Variants in PXDNL observed in about 807,000 individuals in gnomAD.
PXDNL encodes the protein peroxidasin like.
A neutral mutation model predicts 150.8 loss-of-function variants in PXDNL; 145 were observed. The observed-to-expected ratio is 0.96, with a 90% CI of 0.84 to 1.10. The LOEUF is 1.10. Ranked by LOEUF, PXDNL falls within the 50% of genes least tolerant of loss-of-function variation. The pLI is 0.00. For missense variants in PXDNL, 2,087 were observed against 1,873.9 expected (o/e 1.11, Z -2.10); for synonymous variants, 757 against 725.7 (o/e 1.04, Z -0.69).
chr8:51,637,186 ATC>A (rs908810583), intron 2 of PXDNL, among the ~76,000 whole-genome samples: 4 of 152,156 alleles, frequency 2.6e-5, no homozygotes, highest in African/African-American at 9.7e-5. Flanking sequence ...CCAAAACCCC[ATC>A]TGTATGTTAC....
intron 2 of PXDNL, among the ~76,000 whole-genome samples, chr8:51,645,002 C>G (rs1814887148): frequency 6.6e-6 from 1 of 151,420 alleles, no homozygotes; most frequent in Non-Finnish European, 1.5e-5. Context: ...GGAATTGCCT[C>G]ACATGGTTGT....
chr8:51,774,705 C>A (rs889941436), intron 1 of PXDNL, among the ~76,000 whole-genome samples: 2 of 152,138 alleles, frequency 1.3e-5, no homozygotes, highest in Non-Finnish European at 2.9e-5. Flanking sequence ...GTAGTCCCAG[C>A]AACTTGGGAG....
intron 2 of PXDNL, among the ~76,000 whole-genome samples, chr8:51,616,986 T>C (rs548662314): frequency 6.6e-6 from 1 of 152,322 alleles, no homozygotes; most frequent in East Asian, 1.9e-4. Flanking sequence ...TTTCTATCTG[T>C]GGTTGGTTGA....
At chr8:51,788,640 C>T (rs903411608) in intron 1 of PXDNL, among the ~76,000 whole-genome samples, 2 of 152,168 alleles carry the variant, frequency 1.3e-5, no homozygotes, top group Non-Finnish European at 1.5e-5. Context: ...GTCAAAAATC[C>T]TGCCCCATAG....
At chr8:51,454,600 T>G (rs974058170) in intron 9 of PXDNL, among the ~76,000 whole-genome samples, 2 of 152,190 alleles carry the variant, frequency 1.3e-5, no homozygotes, top group African/African-American at 4.8e-5. Flanking sequence ...AAATTAAATA[T>G]TTGCTAAGGT....
chr8:51,560,300 G>T (rs959000259), intron 3 of PXDNL, among the ~76,000 whole-genome samples: 1 of 151,592 alleles, frequency 6.6e-6, no homozygotes, highest in African/African-American at 2.4e-5. Flanking sequence ...TTTTTTTGCA[G>T]AAATAGGGAA....
At position 51,574,228 on chromosome 8, in the gene PXDNL, C is replaced by G. The variant is rs1563469629; in HGVS notation, c.309-17317G>C. On this transcript the variant is annotated intron_variant, in intron 3 of 22. Coordinates refer to ENST00000356297, the MANE Select transcript of PXDNL (RefSeq NM_144651.5). ...AACAAATAGGAAATATAAAAAACAC[C>G]CAAACAGAAACTTTAGAACTGAAAA... Among the ~76,000 whole-genome samples the G allele has an allele frequency of 2.6e-5, 4 of 151,230 alleles. No individual in the cohort carries two copies. In the South Asian group the frequency reaches 8.4e-4, roughly 32 times the overall value.
intron 17 of PXDNL, among the ~76,000 whole-genome samples, chr8:51,382,038 A>G (rs1807565381): frequency 2.0e-5 from 3 of 152,082 alleles, no homozygotes; most frequent in African/African-American, 4.8e-5. Flanking sequence ...GGGTTTCACC[A>G]TGTTAACCCA....
At chr8:51,609,593 T>C (rs1231005556) in intron 2 of PXDNL, among the ~76,000 whole-genome samples, 1 of 152,022 alleles carries the variant, frequency 6.6e-6, no homozygotes, top group Non-Finnish European at 1.5e-5. Flanking sequence ...ATAGAGTTGG[T>C]AGGAAATAGG....
intron 1 of PXDNL, among the ~76,000 whole-genome samples, chr8:51,791,183 G>A (rs2037509983): frequency 6.6e-6 from 1 of 152,154 alleles, no homozygotes; most frequent in Admixed American, 6.5e-5. Flanking sequence ...TAAATACTGA[G>A]CTCTCTTGCC....
intron 4 of PXDNL, among the ~76,000 whole-genome samples, chr8:51,544,177 G>C (rs745817264): frequency 6.6e-6 from 1 of 152,150 alleles, no homozygotes; most frequent in Non-Finnish European, 1.5e-5. Context: ...TCTCAAGTCT[G>C]ATCATTTTAA....
chr8:51,522,266 C>T (rs2130387836), intron 4 of PXDNL, among the ~76,000 whole-genome samples: 1 of 152,178 alleles, frequency 6.6e-6, no homozygotes, highest in Admixed American at 6.5e-5. Context: ...ATAAGAGAAA[C>T]TATTTAGTAA....
At chr8:51,415,072 G>T (rs1388676168) in intron 14 of PXDNL, among the ~76,000 whole-genome samples, 2 of 152,118 alleles carry the variant, frequency 1.3e-5, no homozygotes, top group African/African-American at 4.8e-5. Context: ...GGGGGAGATG[G>T]CAGTTGTTAC....
At chr8:51,440,490 G>A (rs1187987479) in intron 12 of PXDNL, among the ~76,000 whole-genome samples, 1 of 152,004 alleles carries the variant, frequency 6.6e-6, no homozygotes, top group African/African-American at 2.4e-5. Flanking sequence ...AGTGACCTTT[G>A]GGGATATTAC....
intron 4 of PXDNL, among the ~76,000 whole-genome samples, chr8:51,503,142 A>G (rs918473922): frequency 1.3e-5 from 2 of 152,088 alleles, no homozygotes. Flanking sequence ...CTTCCCTAGA[A>G]TAAATCACTG....
chr8:51,443,341 C>T (rs965277679), intron 12 of PXDNL, among the ~76,000 whole-genome samples: 1 of 152,018 alleles, frequency 6.6e-6, no homozygotes, highest in Non-Finnish European at 1.5e-5. Flanking sequence ...AAAGCCAGCT[C>T]TTTTTTCATT....
At chr8:51,354,498 G>C (rs184589660) in intron 19 of PXDNL, among the ~76,000 whole-genome samples, 2 of 152,036 alleles carry the variant, frequency 1.3e-5, no homozygotes, top group African/African-American at 4.8e-5. Context: ...AAAATGTCAA[G>C]ATTGTTGCAT....
intron 6 of PXDNL, among the ~76,000 whole-genome samples, chr8:51,480,478 G>A (rs561730673): frequency 6.6e-6 from 1 of 152,214 alleles, no homozygotes; most frequent in East Asian, 1.9e-4. Context: ...ATATTGGGAG[G>A]ACAGCACCCA....
intron 2 of PXDNL, among the ~76,000 whole-genome samples, chr8:51,608,014 A>AAAGAAAGAGAAAGAAAGAAAG (rs1813885442): frequency 5.5e-5 from 4 of 73,144 alleles, no homozygotes; most frequent in African/African-American, 3.8e-4. Context: ...AGAAAGAAAG[A>AAAGAAAGAGAAAGAAAGAAAG]AAGAAAGAAA....
Sources: gnomAD v4.1 joint callset for allele counts (sites outside exome capture counted in the v4.1 genomes callset) on GRCh38, gnomAD v4.1.1 for gene constraint, MANE v1.5 for transcripts, NCBI Gene and HGNC (gene_info 2026-07-23, HGNC 2026-07-21) for gene names.